The following ATP10A variants were observed in gnomAD, a reference collection of about 807,000 sequenced individuals.
The protein encoded by ATP10A is ATPase phospholipid transporting 10A (putative).
ATP10A carries 111 observed loss-of-function variants against 147.8 expected under a neutral mutation model. The ratio of observed to expected loss-of-function variants is 0.75; its 90% CI spans 0.64 to 0.88. The LOEUF (loss-of-function observed/expected upper bound fraction) is 0.88, where lower values mean the gene tolerates loss of function less well. ATP10A is among the 40% of genes least tolerant of loss of function. ATP10A has a pLI of 0.00. For missense variants in ATP10A, 1,927 were observed against 1,959.0 expected (o/e 0.98, Z 0.31); for synonymous variants, 875 against 841.6 (o/e 1.04, Z -0.69).
intron 2 of ATP10A, among the ~76,000 whole-genome samples, chr15:25,760,461 T>C (rs1051689077): frequency 2.6e-5 from 4 of 152,376 alleles, no homozygotes; most frequent in African/African-American, 9.6e-5. Context: ...TTGGTGTTCA[T>C]AGCAATTGCT....
intron 1 of ATP10A, among the ~76,000 whole-genome samples, chr15:25,843,513 C>G (rs1241922010): frequency 6.6e-6 from 1 of 152,118 alleles, no homozygotes. Flanking sequence ...AAGAGTTACT[C>G]CTCTCTGTGC....
chr15:25,705,311 C>T (rs1289964851), intron 12 of ATP10A, among the ~76,000 whole-genome samples: 1 of 152,016 alleles, frequency 6.6e-6, no homozygotes, highest in African/African-American at 2.4e-5. Context: ...TGGCACACGC[C>T]TGTGGTCCCA....
chr15:25,846,522 G>A (rs1217095279), intron 1 of ATP10A, among the ~76,000 whole-genome samples: 1 of 152,104 alleles, frequency 6.6e-6, no homozygotes, highest in African/African-American at 2.4e-5. Context: ...GAACTGACAT[G>A]CTCAGCGCAG....
At position 25,725,951 on chromosome 15, in the gene ATP10A, C is replaced by T. The variant is rs148331114; in HGVS notation, c.979G>A (p.Gly327Arg). ...TTTCCGATCCATCTAGGAGACTTAC[C>T]GACTGCTGAAAACAGAGACATGCAA... ...LVCMSLFSAV[G>R]HGLWIWRYQE... Residue 327 changes from glycine to arginine, a missense_variant and splice_region_variant, in exon 5 of 21, where the codon GGA becomes AGA. Physicochemically the swap from Gly to Arg is moderately radical, Grantham distance 125. Coordinates refer to ENST00000555815, the MANE Select transcript of ATP10A (RefSeq NM_024490.4). The T allele has an allele frequency of 1.1e-5, 17 of 1,612,226 alleles. No individual in the cohort carries two copies. Among genetic ancestry groups the T allele is most frequent in the African/African-American group, 4.0e-5 (3 of 74,896 alleles).
At chr15:25,701,080 G>A (rs1900634979) in intron 13 of ATP10A, among the ~76,000 whole-genome samples, 1 of 152,196 alleles carries the variant, frequency 6.6e-6, no homozygotes. Flanking sequence ...ATGGAACAAG[G>A]TGCGAGGGTC....
chr15:25,777,602 C>CAT (rs772794021), intron 2 of ATP10A, among the ~76,000 whole-genome samples: 23 of 151,282 alleles, frequency 1.5e-4, no homozygotes, highest in East Asian at 5.8e-4. Context: ...CAGCTATTCC[C>CAT]ATATATATAT....
At chr15:25,850,954 C>T (rs754582171) in intron 1 of ATP10A, among the ~76,000 whole-genome samples, 2 of 152,072 alleles carry the variant, frequency 1.3e-5, no homozygotes, top group African/African-American at 2.4e-5. Context: ...GTTAACCCCT[C>T]GTGTACTGGA....
intron 1 of ATP10A, among the ~76,000 whole-genome samples, chr15:25,835,434 G>C (rs1892547638): frequency 6.6e-6 from 1 of 152,176 alleles, no homozygotes; most frequent in Non-Finnish European, 1.5e-5. Context: ...CCCCGCAGGA[G>C]CAGCAGCCCA....
chr15:25,852,165 C>T (rs1232614210), intron 1 of ATP10A, among the ~76,000 whole-genome samples: 1 of 150,256 alleles, frequency 6.7e-6, no homozygotes, highest in Non-Finnish European at 1.5e-5. Context: ...TTGAATGCCA[C>T]CCTCCTTCCA....
At position 25,689,345 on chromosome 15, in the gene ATP10A, A is replaced by G. The variant is rs949663130; in HGVS notation, c.3166-1517T>C. Among the ~76,000 whole-genome samples, 4 of 152,228 alleles carry G rather than the reference A, an allele frequency of 2.6e-5. No homozygotes were observed. In the East Asian group the frequency reaches 5.8e-4, roughly 22 times the overall value. On this transcript the variant is annotated intron_variant, in intron 15 of 20. Transcript: ENST00000555815. The stretch of plus-strand genomic sequence containing the variant: ...GGGTGCAGGACAAATAGGGTGAACC[A>G]GATGAGCCAGAGCTCACGAAGACAG...
At chr15:25,684,922 A>G (rs1160421726) in intron 16 of ATP10A, among the ~76,000 whole-genome samples, 1 of 152,190 alleles carries the variant, frequency 6.6e-6, no homozygotes, top group African/African-American at 2.4e-5. Flanking sequence ...TATGATTTAA[A>G]TGTCTTAATA....
chr15:25,680,343 C>G (rs768320131), intron 19 of ATP10A, 35 bp from the exon 20 acceptor site: 4 of 1,596,634 alleles, frequency 2.5e-6, no homozygotes, highest in Admixed American at 1.7e-5. Flanking sequence ...GCTTTTATTT[C>G]CACCTAAAAG....
chr15:25,680,320 T>C lies in ATP10A; in HGVS notation c.3679-12A>G, dbSNP rs375578775. The C allele has an allele frequency of 1.7e-5, 28 of 1,611,728 alleles. No homozygotes were observed. The African/African-American group carries it at 3.3e-4, about 19-fold the overall frequency. On this transcript the variant is annotated splice_polypyrimidine_tract_variant and intron_variant, in intron 19 of 20. Coordinates refer to ENST00000555815, the MANE Select transcript of ATP10A (RefSeq NM_024490.4). ...CAGTTGAGCCAGGTCTGAGGGGGAA[T>C]GAGAAAGAAAGGGCTTTTATTTCCA...
At chr15:25,802,435 T>C (rs999349943) in intron 1 of ATP10A, among the ~76,000 whole-genome samples, 2 of 152,102 alleles carry the variant, frequency 1.3e-5, no homozygotes, top group Non-Finnish European at 2.9e-5. Flanking sequence ...TTCCGACCAC[T>C]AGGCCCATGA....
At chr15:25,753,247 T>C (rs1035798720) in intron 2 of ATP10A, among the ~76,000 whole-genome samples, 1 of 152,118 alleles carries the variant, frequency 6.6e-6, no homozygotes, top group African/African-American at 2.4e-5. Flanking sequence ...TATCTTCCTA[T>C]CTCCCCCATC....
chr15:25,689,856 C>T (rs575919144), intron 15 of ATP10A, among the ~76,000 whole-genome samples: 13 of 152,320 alleles, frequency 8.5e-5, no homozygotes, highest in African/African-American at 3.1e-4. Flanking sequence ...AGCTCCGGCC[C>T]CTCCCCAGCC....
At chr15:25,755,849 T>C (rs1440393096) in intron 2 of ATP10A, among the ~76,000 whole-genome samples, 1 of 152,228 alleles carries the variant, frequency 6.6e-6, no homozygotes, top group Non-Finnish European at 1.5e-5. Context: ...TGAAATTTAG[T>C]TAGCTAATTT....
intron 2 of ATP10A, among the ~76,000 whole-genome samples, chr15:25,747,300 A>G (rs1048697171): frequency 1.5e-4 from 23 of 151,638 alleles, no homozygotes; most frequent in Non-Finnish European, 2.5e-4. Context: ...AAAAAAAAAA[A>G]AAAAAAGAAA....
At chr15:25,729,251 C>T (rs891579554) in intron 3 of ATP10A, among the ~76,000 whole-genome samples, 1 of 152,178 alleles carries the variant, frequency 6.6e-6, no homozygotes, top group Non-Finnish European at 1.5e-5. Flanking sequence ...CTTTGGGAGG[C>T]CAAGGCAGGC....
Sources: gnomAD v4.1 joint callset for allele counts (sites outside exome capture counted in the v4.1 genomes callset) on GRCh38, gnomAD v4.1.1 for gene constraint, MANE v1.5 for transcripts, NCBI Gene and HGNC (gene_info 2026-07-23, HGNC 2026-07-21) for gene names.